Variants in GTF3C1 observed in about 807,000 individuals in gnomAD.
GTF3C1 encodes the protein general transcription factor IIIC subunit 1, also known as general transcription factor 3C polypeptide 1.
In GTF3C1, 57 loss-of-function variants were observed where a neutral mutation model predicts 226.7. The ratio of observed to expected loss-of-function variants is 0.25; its 90% CI spans 0.20 to 0.31. The LOEUF is 0.31. Among genes scored for constraint, GTF3C1 ranks in the 10% least tolerant of loss-of-function variants. GTF3C1 has a pLI of 1.00. For synonymous variants in GTF3C1, 1,090 were observed against 1,084.8 expected (o/e 1.00, Z -0.09); for missense variants, 2,217 against 2,776.1 (o/e 0.80, Z 4.53).
rs543103823 is a variant in GTF3C1 at position 27,488,776 on chromosome 16, C to A, written c.3430-141G>T. On this transcript the variant is annotated intron_variant, in intron 21 of 36. Coordinates refer to ENST00000356183, the MANE Select transcript of GTF3C1 (RefSeq NM_001520.4). Reference sequence around the variant, plus strand: ...GCCAGGGGCTGGAGTCTCCTGCCACCCGCTTTACCATTGCTCATGCACTCC... The same window carrying A: ...GCCAGGGGCTGGAGTCTCCTGCCACACGCTTTACCATTGCTCATGCACTCC... The A allele has an allele frequency of 4.2e-5, 30 of 720,590 alleles. No individual in the cohort carries two copies. The African/African-American group carries it at 4.4e-4, about 11-fold the overall frequency. The allele number at this position is 720,590 out of a possible 1,614,324, so 44.6% of individuals were successfully genotyped here. A position where few individuals can be genotyped will look rare whatever the true frequency, so the allele number is the denominator to read the frequency against.
intron 24 of GTF3C1, 78 bp downstream of exon 24, chr16:27,485,918 TG>T: frequency 1.1e-6 from 1 of 897,806 alleles, no homozygotes; most frequent in Non-Finnish European, 1.7e-6. Context: ...GGTCTCTGGC[TG>T]GGAGTCCCCG....
chr16:27,497,283 AT>A, intron 14 of GTF3C1, among the ~76,000 whole-genome samples: 1 of 152,204 alleles, frequency 6.6e-6, no homozygotes, highest in East Asian at 1.9e-4. Context: ...CTGCCAGGGG[AT>A]TTGTCGAGTT....
At chr16:27,488,716 T>C (rs367943410) in intron 21 of GTF3C1, 81 bp from the exon 22 acceptor site, 1 of 1,196,442 alleles carries the variant, frequency 8.4e-7, no homozygotes, top group Admixed American at 1.8e-5. Context: ...TGCACCGAGG[T>C]CTCTTAGGAA....
intron 12 of GTF3C1, among the ~76,000 whole-genome samples, chr16:27,500,391 CTGT>C (rs1165870168): frequency 1.3e-5 from 2 of 152,220 alleles, no homozygotes; most frequent in African/African-American, 4.8e-5. Context: ...AGGATAGACA[CTGT>C]TGTTTCTTAA....
At chr16:27,536,330 C>T (rs1021931091) in intron 4 of GTF3C1, among the ~76,000 whole-genome samples, 7 of 152,302 alleles carry the variant, frequency 4.6e-5, no homozygotes, top group South Asian at 2.1e-4. Context: ...CGGTGGCTGA[C>T]GCCTGTAATC....
intron 27 of GTF3C1, among the ~76,000 whole-genome samples, chr16:27,479,631 G>A (rs2088008401): frequency 1.3e-5 from 2 of 152,112 alleles, no homozygotes; most frequent in South Asian, 4.1e-4. Context: ...ACCACGCCCA[G>A]CTAATTTTTG....
chr16:27,501,326 C>A lies in GTF3C1; in HGVS notation c.1926G>T (p.Met642Ile), dbSNP rs2088400818. Residue 642 changes from methionine to isoleucine, a missense_variant, in exon 12 of 37, where the codon ATG becomes ATT. Transcript: ENST00000356183. Reference sequence around the variant, plus strand: ...ACACGCCTTCCTGCTTCTCCTGATCCATGATCATCTTCTGAATCCTGGGCA... The same window carrying A: ...ACACGCCTTCCTGCTTCTCCTGATCAATGATCATCTTCTGAATCCTGGGCA... ...ESLFTIQKMI[M>I]DQEKQEGVST... 6.2e-7 allele frequency: 1 copy of A among 1,613,990 alleles called. No homozygotes were observed. Among genetic ancestry groups the A allele is most frequent in the South Asian group, 1.1e-5 (1 of 91,082 alleles).
intron 2 of GTF3C1, among the ~76,000 whole-genome samples, chr16:27,540,475 C>T (rs1201098623): frequency 6.6e-6 from 1 of 152,180 alleles, no homozygotes; most frequent in Admixed American, 6.5e-5. Flanking sequence ...GTTTACTATC[C>T]TTCACTGACA....
chr16:27,488,167 G>T, intron 23 of GTF3C1, 60 bp downstream of exon 23: 2 of 1,462,292 alleles, frequency 1.4e-6, no homozygotes, highest in Non-Finnish European at 1.9e-6. Context: ...TGAGGCTGTC[G>T]CACATCTCCA....
chr16:27,465,376 C>T lies in GTF3C1; in HGVS notation c.5239G>A (p.Glu1747Lys), dbSNP rs2087771242. The T allele has an allele frequency of 6.2e-7, 1 of 1,614,200 alleles. No individual in the cohort carries two copies. The highest frequency in any genetic ancestry group is 2.2e-5 in the East Asian group (1 of 44,890). ...AAACAACCCGTGGCTATAATGGCTT[C>T]CAAGATCTCCAAGGCAGCAGTCAGG... ...EDLTAALEIL[E>K]AIIATGCFGI... Residue 1747 changes from glutamate (E) to lysine (K), a missense_variant, in exon 33 of 37, where the codon GAA (glutamate) becomes AAA (lysine). Around this residue, in one of 12 missense-constraint regions of GTF3C1, gnomAD observed 455 missense variants for 441.9 expected, o/e 1.03. Transcript: ENST00000356183.
At chr16:27,494,228 C>T (rs145584790) in intron 16 of GTF3C1, among the ~76,000 whole-genome samples, 2 of 152,042 alleles carry the variant, frequency 1.3e-5, no homozygotes, top group African/African-American at 4.8e-5. Flanking sequence ...GGCAAAACCC[C>T]GTCTCTATTA....
intron 6 of GTF3C1, among the ~76,000 whole-genome samples, chr16:27,519,845 G>A (rs1052222662): frequency 6.6e-6 from 1 of 152,196 alleles, no homozygotes; most frequent in Admixed American, 6.5e-5. Flanking sequence ...AGAGGCTCAC[G>A]CCCATAATCC....
intron 28 of GTF3C1, among the ~76,000 whole-genome samples, chr16:27,478,134 G>A (rs915986199): frequency 1.1e-4 from 16 of 151,832 alleles, no homozygotes; most frequent in African/African-American, 3.6e-4. Context: ...TCAATCCACT[G>A]CACTTCAGCC....
In GTF3C1 at chr16:27,463,521, A is replaced by T. The variant is rs2087735270; in HGVS notation, c.5924+20T>A. 5.4e-6 allele frequency: 8 copies of T among 1,494,078 alleles called. No homozygotes were observed. Among genetic ancestry groups the T allele is most frequent in the Non-Finnish European group, 7.5e-6 (8 of 1,070,558 alleles). The allele number at this position is 1,494,078 out of a possible 1,614,324, so 92.6% of individuals were successfully genotyped here. On this transcript the variant is annotated intron_variant, in intron 35 of 36. Coordinates refer to ENST00000356183, the MANE Select transcript of GTF3C1 (RefSeq NM_001520.4). The surrounding 1 kb of genome is among the most constrained non-coding windows in gnomAD (Gnocchi z 4.9). ...TCAAGAGCCCCGCCCCAGGCCCCGG[A>T]GCCAGAACCCCACACCCACCTTTCC...
At chr16:27,486,471 G>A (rs1224147984) in intron 23 of GTF3C1, among the ~76,000 whole-genome samples, 1 of 152,152 alleles carries the variant, frequency 6.6e-6, no homozygotes, top group Non-Finnish European at 1.5e-5. Flanking sequence ...GTCCTTTGAA[G>A]GCATCTTGTA....
chr16:27,490,820 C>T (rs2088222155), intron 19 of GTF3C1, among the ~76,000 whole-genome samples: 1 of 152,154 alleles, frequency 6.6e-6, no homozygotes, highest in African/African-American at 2.4e-5. Context: ...TGACGCTTTT[C>T]CCCTCATCCT....
intron 5 of GTF3C1, among the ~76,000 whole-genome samples, chr16:27,530,865 A>G (rs1416883334): frequency 6.6e-6 from 1 of 152,014 alleles, no homozygotes; most frequent in African/African-American, 2.4e-5. Flanking sequence ...AGCAGCAGCC[A>G]CTCCAGCGAA....
chr16:27,465,588 C>A (rs759932325), intron 32 of GTF3C1, 48 bp from the exon 33 acceptor site: 22 of 1,460,594 alleles, frequency 1.5e-5, no homozygotes, highest in East Asian at 2.4e-5. Flanking sequence ...AGAGGCCCCC[C>A]TCCCCTGACC....
chr16:27,477,822 T>A (rs1178450673), intron 28 of GTF3C1, among the ~76,000 whole-genome samples: 1 of 152,150 alleles, frequency 6.6e-6, no homozygotes, highest in Non-Finnish European at 1.5e-5. Flanking sequence ...CAACTGTTAT[T>A]GATAAGGTTT....
Sources: allele counts gnomAD v4.1 joint callset (sites outside exome capture counted in the v4.1 genomes callset), GRCh38; gene constraint gnomAD v4.1.1; regional missense constraint gnomAD v4.1.1; non-coding constraint Gnocchi (gnomAD v3.1); transcripts MANE v1.5; gene names NCBI Gene and HGNC (gene_info 2026-07-23, HGNC 2026-07-21).